The following NALF1 variants were observed in gnomAD, a reference collection of about 807,000 sequenced individuals.
NALF1 encodes the protein family with sequence similarity 155 member A.
NALF1 carries 3 observed loss-of-function variants against 48.4 expected under a neutral mutation model. The observed-to-expected ratio is 0.06, with a 90% CI of 0.03 to 0.16. The LOEUF (loss-of-function observed/expected upper bound fraction) is 0.16, where lower values mean the gene tolerates loss of function less well. Among genes scored for constraint, NALF1 ranks in the 10% least tolerant of loss-of-function variants. NALF1 has a pLI of 1.00. For synonymous variants in NALF1, 262 were observed against 245.7 expected (o/e 1.07, Z -0.62); for missense variants, 526 against 571.5 (o/e 0.92, Z 0.81).
chr13:107,350,891 C>T (rs1228867484), intron 1 of NALF1, among the ~76,000 whole-genome samples: 1 of 152,192 alleles, frequency 6.6e-6, no homozygotes, highest in African/African-American at 2.4e-5. Context: ...TCAGGTGACA[C>T]TGATTCTGTG....
In NALF1 at chr13:107,576,987, T is replaced by C. The variant is rs573576822; in HGVS notation, c.915+288695A>G. ...CAATTCCCTTAAATAAATTAGAGAATAGGCACATTTTTATAACAAAAAGGG... is the reference window on the plus strand; with the variant it reads ...CAATTCCCTTAAATAAATTAGAGAACAGGCACATTTTTATAACAAAAAGGG... On this transcript the variant is annotated intron_variant, in intron 1 of 2. Transcript: ENST00000375915. Among the ~76,000 whole-genome samples the C allele has an allele frequency of 3.9e-5, 6 of 152,248 alleles. No individual in the cohort carries two copies. In the South Asian group the frequency reaches 1.0e-3, roughly 26 times the overall value.
intron 1 of NALF1, among the ~76,000 whole-genome samples, chr13:107,275,893 T>C (rs1010172952): frequency 3.3e-5 from 5 of 152,164 alleles, no homozygotes; most frequent in Admixed American, 1.3e-4. Flanking sequence ...AAGGAGCCAC[T>C]TCGAGCTCAT....
intron 1 of NALF1, among the ~76,000 whole-genome samples, chr13:107,524,140 G>A (rs1478147999): frequency 6.6e-6 from 1 of 152,018 alleles, no homozygotes; most frequent in East Asian, 1.9e-4. Context: ...GAAACTTTGG[G>A]TACTTCTTAA....
chr13:107,313,465 T>C (rs1882084461), intron 1 of NALF1, among the ~76,000 whole-genome samples: 1 of 151,872 alleles, frequency 6.6e-6, no homozygotes, highest in South Asian at 2.1e-4. Context: ...AATAACCACA[T>C]ACCTCCCTCA....
chr13:107,591,999 ATTT>A (rs745799131), intron 1 of NALF1, among the ~76,000 whole-genome samples: 19 of 151,928 alleles, frequency 1.3e-4, no homozygotes, highest in Non-Finnish European at 1.9e-4. Flanking sequence ...CTTTCTAATG[ATTT>A]TACTCAGTGT....
At chr13:107,518,476 G>A (rs1024644344) in intron 1 of NALF1, among the ~76,000 whole-genome samples, 4 of 152,066 alleles carry the variant, frequency 2.6e-5, no homozygotes, top group African/African-American at 9.7e-5. Context: ...AAGGTACTTG[G>A]AGATAAATAT....
intron 1 of NALF1, among the ~76,000 whole-genome samples, chr13:107,229,845 T>C (rs1158031283): frequency 6.6e-6 from 1 of 152,196 alleles, no homozygotes; most frequent in Non-Finnish European, 1.5e-5. Flanking sequence ...CACTCCTCTT[T>C]CCATTGCTGC....
At chr13:107,220,578 T>C (rs548978621) in intron 1 of NALF1, among the ~76,000 whole-genome samples, 2 of 152,130 alleles carry the variant, frequency 1.3e-5, no homozygotes, top group Non-Finnish European at 2.9e-5. Context: ...AGAGCCAACT[T>C]TGGAGTCTGA....
chr13:107,498,663 A>C (rs1173479323), intron 1 of NALF1, among the ~76,000 whole-genome samples: 1 of 152,110 alleles, frequency 6.6e-6, no homozygotes, highest in East Asian at 1.9e-4. Context: ...AGACAATCTC[A>C]ATCAGGAAGG....
At chr13:107,249,183 A>G (rs1443393152) in intron 1 of NALF1, among the ~76,000 whole-genome samples, 2 of 152,128 alleles carry the variant, frequency 1.3e-5, no homozygotes, top group African/African-American at 4.8e-5. Context: ...TTACTATCAA[A>G]GCAAAATTTA....
intron 1 of NALF1, among the ~76,000 whole-genome samples, chr13:107,324,493 A>T (rs976921006): frequency 2.6e-5 from 4 of 152,198 alleles, no homozygotes; most frequent in African/African-American, 9.6e-5. Context: ...GAAGAACAGT[A>T]TCTAGGGCAC....
chr13:107,225,155 C>T (rs1016475312), intron 1 of NALF1, among the ~76,000 whole-genome samples: 4 of 151,980 alleles, frequency 2.6e-5, no homozygotes, highest in South Asian at 4.2e-4. Context: ...ATTACAGGCA[C>T]GCACCACCAC....
chr13:107,866,158 G>T lies in NALF1; in HGVS notation c.439C>A (p.Arg147=), dbSNP rs1357279438. ...GCCTTGCCCCGGTCGTCTTTGCCTCGGTTGCCCTTGCCGCCGCCGCCGCCG... is the reference window on the plus strand; with the variant it reads ...GCCTTGCCCCGGTCGTCTTTGCCTCTGTTGCCCTTGCCGCCGCCGCCGCCG... ...DGGGGGGKGN[R]GKDDRGKALF... The change falls in exon 1 of 3, where the codon CGA becomes AGA. Residue 147 remains arginine (R), a synonymous_variant. Coordinates refer to ENST00000375915, the MANE Select transcript of NALF1 (RefSeq NM_001080396.3). This position sits in a 1 kb window ranked among gnomAD's most constrained non-coding sequence, Gnocchi z 4.4. The T allele has an allele frequency of 1.2e-6, 2 of 1,607,926 alleles. No homozygotes were observed. Among genetic ancestry groups the T allele is most frequent in the Non-Finnish European group, 8.5e-7 (1 of 1,177,640 alleles).
chr13:107,290,083 T>G (rs1881583749), intron 1 of NALF1, among the ~76,000 whole-genome samples: 1 of 151,736 alleles, frequency 6.6e-6, no homozygotes, highest in African/African-American at 2.4e-5. Context: ...GTAGACTTTA[T>G]CGGTTGATTC....
chr13:107,338,295 C>T (rs1005383675), intron 1 of NALF1, among the ~76,000 whole-genome samples: 5 of 152,092 alleles, frequency 3.3e-5, no homozygotes, highest in African/African-American at 1.2e-4. Context: ...GTACCTTTTA[C>T]GTGGTTGGTG....
intron 1 of NALF1, among the ~76,000 whole-genome samples, chr13:107,397,925 T>C (rs1290343849): frequency 6.6e-6 from 1 of 152,106 alleles, no homozygotes; most frequent in Non-Finnish European, 1.5e-5. Flanking sequence ...TTGTGAAAAG[T>C]GGTTAAAATT....
chr13:107,171,079 T>C (rs1594053003), intron 2 of NALF1, among the ~76,000 whole-genome samples: 1 of 152,210 alleles, frequency 6.6e-6, no homozygotes, highest in Non-Finnish European at 1.5e-5. Context: ...GAACTTGAGG[T>C]TCCGGATCAA....
intron 1 of NALF1, among the ~76,000 whole-genome samples, chr13:107,266,937 G>T (rs1166008955): frequency 6.6e-6 from 1 of 152,134 alleles, no homozygotes; most frequent in Admixed American, 6.5e-5. Context: ...AGCCTGGCTT[G>T]TAGTGTCTCT....
chr13:107,527,362 A>G (rs971807795), intron 1 of NALF1, among the ~76,000 whole-genome samples: 5 of 152,124 alleles, frequency 3.3e-5, no homozygotes, highest in Non-Finnish European at 7.4e-5. Context: ...AGAAGAAGAA[A>G]AAAAGCTCTG....
Sources: allele counts gnomAD v4.1 joint callset (sites outside exome capture counted in the v4.1 genomes callset), GRCh38; gene constraint gnomAD v4.1.1; non-coding constraint Gnocchi (gnomAD v3.1); transcripts MANE v1.5; gene names NCBI Gene and HGNC (gene_info 2026-07-23, HGNC 2026-07-21).